GRID1: variants seen among roughly 807,000 people sequenced by gnomAD.
GRID1 encodes glutamate receptor ionotropic, delta-1.
A neutral mutation model predicts 98.0 loss-of-function variants in GRID1; 28 were observed. That is an observed-to-expected ratio of 0.29 (90% confidence interval 0.21 to 0.39). GRID1 has a LOEUF of 0.39. Among genes scored for constraint, GRID1 ranks in the 10% least tolerant of loss-of-function variants. The pLI, the probability that GRID1 is intolerant of heterozygous loss-of-function variation, is 1.00. For missense variants in GRID1, 1,111 were observed against 1,340.5 expected (o/e 0.83, Z 2.67); for synonymous variants, 553 against 538.5 (o/e 1.03, Z -0.37).
intron 12 of GRID1, among the ~76,000 whole-genome samples, chr10:85,717,593 A>G (rs1280502433): frequency 6.6e-6 from 1 of 152,182 alleles, no homozygotes; most frequent in African/African-American, 2.4e-5. Flanking sequence ...TGAGATTTGG[A>G]TGGAGGCAGA....
intron 4 of GRID1, among the ~76,000 whole-genome samples, chr10:86,128,285 G>A (rs767043109): frequency 2.0e-5 from 3 of 152,008 alleles, no homozygotes; most frequent in African/African-American, 4.8e-5. Context: ...CATCTCCCTG[G>A]GGTAGGAAAC....
chr10:85,951,954 T>C (rs182311047), intron 4 of GRID1, among the ~76,000 whole-genome samples: 2 of 152,242 alleles, frequency 1.3e-5, no homozygotes, highest in Non-Finnish European at 2.9e-5. Context: ...CTCCATCCCA[T>C]CTCCCTAACT....
intron 6 of GRID1, among the ~76,000 whole-genome samples, chr10:85,859,823 G>C (rs1843148116): frequency 6.6e-6 from 1 of 152,188 alleles, no homozygotes; most frequent in African/African-American, 2.4e-5. Context: ...CAGTTCACTG[G>C]TGGGGATGCG....
chr10:86,063,856 T>A (rs1843682637), intron 4 of GRID1, among the ~76,000 whole-genome samples: 1 of 152,210 alleles, frequency 6.6e-6, no homozygotes, highest in Non-Finnish European at 1.5e-5. Flanking sequence ...CACACCCATA[T>A]GCATTTGTTC....
At chr10:86,026,231 A>T (rs1481017442) in intron 4 of GRID1, among the ~76,000 whole-genome samples, 1 of 152,238 alleles carries the variant, frequency 6.6e-6, no homozygotes, top group East Asian at 1.9e-4. Flanking sequence ...ATGGAGAGTT[A>T]TAAACATATG....
At chr10:86,205,947 G>C (rs1846019394) in intron 3 of GRID1, among the ~76,000 whole-genome samples, 1 of 152,178 alleles carries the variant, frequency 6.6e-6, no homozygotes. Flanking sequence ...ACTGAAGGCA[G>C]ATTGCGATGG....
intron 4 of GRID1, among the ~76,000 whole-genome samples, chr10:86,082,480 C>A (rs556602960): frequency 1.8e-4 from 28 of 152,314 alleles, no homozygotes; most frequent in African/African-American, 6.7e-4. Context: ...AATTCCCCTG[C>A]ACCCTGTCCT....
intron 4 of GRID1, among the ~76,000 whole-genome samples, chr10:86,058,392 T>C (rs1843603903): frequency 6.6e-6 from 1 of 152,202 alleles, no homozygotes; most frequent in Non-Finnish European, 1.5e-5. Context: ...GGTTCCCCAT[T>C]AGCCCACAAC....
In GRID1 at chr10:85,740,197, G is replaced by C. The variant is rs141558285; in HGVS notation, c.1234-10583C>G. On this transcript the variant is annotated intron_variant, in intron 8 of 15. Transcript: ENST00000327946. Reference sequence around the variant, plus strand: ...GTGGGACAAGCCAGGCTGGAATTCTGTTTCTTCCACAGATGAGCTTGGGGA... The same window carrying C: ...GTGGGACAAGCCAGGCTGGAATTCTCTTTCTTCCACAGATGAGCTTGGGGA... Among the ~76,000 whole-genome samples the C allele has an allele frequency of 2.6e-5, 4 of 152,224 alleles. 1 individual carries two copies. The highest frequency in any genetic ancestry group is 4.1e-4 in the South Asian group (2 of 4,820).
At chr10:86,353,209 G>A (rs1848485876) in intron 2 of GRID1, among the ~76,000 whole-genome samples, 1 of 152,214 alleles carries the variant, frequency 6.6e-6, no homozygotes, top group African/African-American at 2.4e-5. Context: ...GGAAACACAA[G>A]GCAAGGGGAG....
At chr10:85,948,658 A>T (rs927660668) in intron 4 of GRID1, among the ~76,000 whole-genome samples, 1 of 152,250 alleles carries the variant, frequency 6.6e-6, no homozygotes, top group African/African-American at 2.4e-5. Flanking sequence ...CAGGTCACAT[A>T]TAACACAAAC....
chr10:85,915,119 T>C (rs1414610263), intron 5 of GRID1, among the ~76,000 whole-genome samples: 2 of 152,122 alleles, frequency 1.3e-5, no homozygotes, highest in Admixed American at 1.3e-4. Context: ...ACTGGTGGGA[T>C]GGTCAGTCAT....
At chr10:85,851,217 C>G (rs892643095) in intron 8 of GRID1, among the ~76,000 whole-genome samples, 2 of 152,208 alleles carry the variant, frequency 1.3e-5, no homozygotes, top group African/African-American at 2.4e-5. Flanking sequence ...TACCACCCCC[C>G]ACCCCCAAGA....
At chr10:86,211,075 G>C (rs534809450) in intron 2 of GRID1, among the ~76,000 whole-genome samples, 1 of 152,088 alleles carries the variant, frequency 6.6e-6, no homozygotes, top group Non-Finnish European at 1.5e-5. Flanking sequence ...TTTCTTCTTG[G>C]GGGGGTCAAA....
At chr10:85,915,178 C>T (rs1226425028) in intron 5 of GRID1, among the ~76,000 whole-genome samples, 2 of 152,078 alleles carry the variant, frequency 1.3e-5, no homozygotes, top group Non-Finnish European at 2.9e-5. Context: ...CTTATCCCTA[C>T]ACGTACTGGT....
At chr10:86,120,026 C>T (rs1044512074) in intron 4 of GRID1, among the ~76,000 whole-genome samples, 1 of 151,946 alleles carries the variant, frequency 6.6e-6, no homozygotes, top group Non-Finnish European at 1.5e-5. Flanking sequence ...GTCTCGATCT[C>T]CTGACCTCAT....
rs1006484187 is a variant in GRID1, at chr10:85,772,913, A to G, written c.1234-43299T>C. Among the ~76,000 whole-genome samples the G allele has an allele frequency of 7.2e-5, 11 of 152,214 alleles. No homozygotes were observed. The South Asian group carries it at 1.7e-3, about 23-fold the overall frequency. ...ACAGGTACAGGGAGGAACTGGTACC[A>G]TTCCTTCTGAAACTATTCCAATCAA... On this transcript the variant is annotated intron_variant, in intron 8 of 15. Transcript: ENST00000327946.
chr10:86,123,176 G>A (rs190474044), intron 4 of GRID1, among the ~76,000 whole-genome samples: 9 of 152,308 alleles, frequency 5.9e-5, no homozygotes, highest in African/African-American at 2.2e-4. Flanking sequence ...GAGGATTGGA[G>A]TCTACTGGGT....
chr10:85,953,921 TC>T (rs1321087813), intron 4 of GRID1, among the ~76,000 whole-genome samples: 10 of 152,194 alleles, frequency 6.6e-5, no homozygotes, highest in African/African-American at 2.4e-4. Context: ...TCATTACCTC[TC>T]TGTGGTAGAA....
Sources: allele counts gnomAD v4.1 joint callset (sites outside exome capture counted in the v4.1 genomes callset), GRCh38; gene constraint gnomAD v4.1.1; transcripts MANE v1.5; gene names NCBI Gene and HGNC (gene_info 2026-07-23, HGNC 2026-07-21).